The following XPNPEP3 variants were observed in gnomAD, a reference collection of about 807,000 sequenced individuals.
XPNPEP3 encodes the protein xaa-Pro aminopeptidase 3.
Under a neutral mutation model 60.0 loss-of-function variants are expected in XPNPEP3, and 41 were observed. The ratio of observed to expected loss-of-function variants is 0.68; its 90% CI spans 0.53 to 0.89. The LOEUF is 0.89. Among genes scored for constraint, XPNPEP3 ranks in the 40% least tolerant of loss-of-function variants. XPNPEP3 has a pLI of 0.00. For synonymous variants in XPNPEP3, 212 were observed against 223.2 expected, an observed-to-expected ratio of 0.95 and a Z score of 0.45; for missense variants, 598 against 638.9, an observed-to-expected ratio of 0.94 and a Z score of 0.69.
At chr22:40,882,586 G>A (rs1438591173) in intron 3 of XPNPEP3, among the ~76,000 whole-genome samples, 2 of 151,632 alleles carry the variant, frequency 1.3e-5, no homozygotes, top group African/African-American at 2.4e-5. Flanking sequence ...GCAGTGATCC[G>A]AGATCATGCC....
Position 40,893,505 on chromosome 22 carries a change from C to CAAA in XPNPEP3, c.792+7011_792+7013dup, listed in dbSNP as rs764114832. Among the ~76,000 whole-genome samples the CAAA allele has an allele frequency of 6.0e-3, 239 of 40,034 alleles. 2 individuals are homozygous for CAAA. The highest frequency in any genetic ancestry group is 0.018 in the African/African-American group (210 of 11,550). The allele number at this position is 40,034 out of a possible 152,430, so 26.3% of individuals were successfully genotyped here. On this transcript the variant is annotated intron_variant, in intron 4 of 9. Transcript: ENST00000357137. ...GGGCAATAAGAGTGAAACTCTATCTCAAAAAAAAAAAAAAAAAAAAAAAGA... is the reference window on the plus strand; with the variant it reads ...GGGCAATAAGAGTGAAACTCTATCTCAAAAAAAAAAAAAAAAAAAAAAAAAAGA...
chr22:40,914,531 ATTTT>A (rs560908648), intron 7 of XPNPEP3, among the ~76,000 whole-genome samples: 47 of 67,654 alleles, frequency 6.9e-4, no homozygotes, highest in African/African-American at 2.6e-3. Context: ...ACTAACAAAG[ATTTT>A]TTTTTTTTTT....
intron 3 of XPNPEP3, among the ~76,000 whole-genome samples, chr22:40,884,722 C>G (rs532805361): frequency 1.3e-4 from 19 of 151,224 alleles, no homozygotes; most frequent in African/African-American, 4.6e-4. Context: ...GATTGTTTTA[C>G]TTTTTAAAAA....
intron 1 of XPNPEP3, 53 bp from the exon 2 acceptor site, chr22:40,868,946 T>C: frequency 1.4e-6 from 2 of 1,440,316 alleles, no homozygotes; most frequent in African/African-American, 1.4e-5. Context: ...ATTTATACCA[T>C]GAAGACTTTC....
At chr22:40,862,099 G>A (rs998856450) in intron 1 of XPNPEP3, 13 of 1,507,382 alleles carry the variant, frequency 8.6e-6, no homozygotes, top group African/African-American at 1.4e-5. Flanking sequence ...CTGCAAATAG[G>A]TACACTTTTA....
At chr22:40,877,488 C>A (rs900702971) in intron 2 of XPNPEP3, among the ~76,000 whole-genome samples, 2 of 152,116 alleles carry the variant, frequency 1.3e-5, no homozygotes, top group African/African-American at 2.4e-5. Context: ...TTTTGTGTAG[C>A]TGGTAAAATA....
chr22:40,925,270 G>A (rs2046703995), intron 9 of XPNPEP3, among the ~76,000 whole-genome samples: 1 of 152,198 alleles, frequency 6.6e-6, no homozygotes, highest in African/African-American at 2.4e-5. Flanking sequence ...AATGGTCCTG[G>A]GTGTTGGGCA....
At position 40,931,715 on chromosome 22, in the gene XPNPEP3, AAAG is replaced by A. The variant is rs1429194849; in HGVS notation, c.*5285_*5287del. On this transcript the variant is annotated 3_prime_UTR_variant, in exon 10 of 10. Coordinates refer to ENST00000357137, the MANE Select transcript of XPNPEP3 (RefSeq NM_022098.4). Reference sequence around the variant, plus strand: ...CAGAGAAAGACCCTGTCTCAATAAAAAAGAAGAGAAAAACTGGAGTGAGAACTC... The same window carrying A: ...CAGAGAAAGACCCTGTCTCAATAAAAAAGAGAAAAACTGGAGTGAGAACTC... 3.3e-5 allele frequency: 5 copies of A among 152,174 alleles called. No individual in the cohort carries two copies. The highest frequency in any genetic ancestry group is 1.2e-4 in the African/African-American group (5 of 41,440). The allele number at this position is 152,174 out of a possible 1,614,324, so 9.4% of individuals were successfully genotyped here.
chr22:40,859,963 C>G (rs1053546192), intron 1 of XPNPEP3: 2 of 152,198 alleles, frequency 1.3e-5, no homozygotes, highest in Non-Finnish European at 2.9e-5. Context: ...GAGTGATTCA[C>G]TGATGGCCTA....
chr22:40,901,726 A>G (rs977929983), intron 4 of XPNPEP3, among the ~76,000 whole-genome samples: 4 of 151,826 alleles, frequency 2.6e-5, no homozygotes, highest in Non-Finnish European at 4.4e-5. Flanking sequence ...CCACCCACCA[A>G]AGTGCTGGGA....
intron 4 of XPNPEP3, among the ~76,000 whole-genome samples, chr22:40,902,155 C>G (rs1398653323): frequency 1.3e-5 from 2 of 149,356 alleles, no homozygotes; most frequent in African/African-American, 5.0e-5. Context: ...TCACTGCAAC[C>G]TCCGCCTCCC....
intron 6 of XPNPEP3, among the ~76,000 whole-genome samples, chr22:40,911,481 G>A (rs561962298): frequency 5.5e-5 from 8 of 146,400 alleles, no homozygotes; most frequent in South Asian, 2.2e-4. Context: ...ATTTTCCTTC[G>A]TGCACTTTTA....
rs1196418850 is a variant in XPNPEP3, at chr22:40,928,070, TATC to T, written c.*1638_*1640del. 2.6e-5 allele frequency: 4 copies of T among 152,236 alleles called. No individual in the cohort carries two copies. The highest frequency in any genetic ancestry group is 3.9e-4 in the East Asian group (2 of 5,186). 9.4% of individuals were successfully genotyped at this position (152,236 alleles called of 1,614,324 possible). ...CCAGTTTTCAGAGAAGTACCCCTGT[TATC>T]ATTCTGTGATTTCCTCTAGTGCTAA... On this transcript the variant is annotated 3_prime_UTR_variant, in exon 10 of 10. Transcript: ENST00000357137.
chr22:40,869,890 T>C (rs1312619043), intron 2 of XPNPEP3, among the ~76,000 whole-genome samples: 2 of 152,234 alleles, frequency 1.3e-5, no homozygotes, highest in African/African-American at 2.4e-5. Flanking sequence ...AATTGTTCTT[T>C]CTGCCATAAG....
Position 40,857,364 on chromosome 22 carries a change from T to G in XPNPEP3, c.64+119T>G, listed in dbSNP as rs551832613. Reference sequence around the variant, plus strand: ...TGGTGGGGCCTCCGCTCCCCAACCCTCTGTGCTCCGCGGATTTCTTCTATA... The same window carrying G: ...TGGTGGGGCCTCCGCTCCCCAACCCGCTGTGCTCCGCGGATTTCTTCTATA... On this transcript the variant is annotated intron_variant, in intron 1 of 9. Transcript: ENST00000357137. 1.3e-4 allele frequency: 147 copies of G among 1,132,926 alleles called. 1 individual carries two copies. In the African/African-American group the frequency reaches 2.1e-3, roughly 16 times the overall value. The allele number at this position is 1,132,926 out of a possible 1,614,324, so 70.2% of individuals were successfully genotyped here. A position where few individuals can be genotyped will look rare whatever the true frequency, so the allele number is the denominator to read the frequency against.
chr22:40,926,163 C>A, intron 9 of XPNPEP3, 106 bp from the exon 10 acceptor site: 1 of 1,159,384 alleles, frequency 8.6e-7, no homozygotes, highest in South Asian at 1.2e-5. Context: ...CCATAAAGAT[C>A]CAGTATTACA....
intron 1 of XPNPEP3, chr22:40,862,345 G>T (rs1315636419): frequency 1.1e-5 from 11 of 1,018,440 alleles, no homozygotes; most frequent in South Asian, 4.5e-5. Context: ...TAAGCCAATG[G>T]AATCTGTTGC....
intron 7 of XPNPEP3, among the ~76,000 whole-genome samples, chr22:40,919,753 A>G (rs372365050): frequency 6.6e-6 from 1 of 152,222 alleles, no homozygotes; most frequent in African/African-American, 2.4e-5. Flanking sequence ...TCACAATAGT[A>G]TAACAACCAA....
intron 6 of XPNPEP3, among the ~76,000 whole-genome samples, chr22:40,910,626 G>A (rs2058173668): frequency 6.6e-6 from 1 of 152,020 alleles, no homozygotes; most frequent in Admixed American, 6.6e-5. Context: ...GATCATCTGA[G>A]CCTGGGGAGT....
Sources: allele counts gnomAD v4.1 joint callset (sites outside exome capture counted in the v4.1 genomes callset), GRCh38; gene constraint gnomAD v4.1.1; transcripts MANE v1.5; gene names NCBI Gene and HGNC (gene_info 2026-07-23, HGNC 2026-07-21).